EXT2: variants seen among roughly 807,000 people sequenced by gnomAD.
EXT2 encodes exostosin-2.
In EXT2, 53 loss-of-function variants were observed where a neutral mutation model predicts 81.6. The ratio of observed to expected loss-of-function variants is 0.65; its 90% CI spans 0.52 to 0.82. The LOEUF (loss-of-function observed/expected upper bound fraction) is 0.82, where lower values mean the gene tolerates loss of function less well. Ranked by LOEUF, EXT2 falls within the 40% of genes least tolerant of loss-of-function variation. The probability of loss-of-function intolerance (pLI) is 0.00; values close to 1 mark genes in which losing one functional copy is unlikely to be tolerated. For synonymous variants in EXT2, 320 were observed against 340.0 expected, an observed-to-expected ratio of 0.94 and a Z score of 0.65; for missense variants, 774 against 910.2, an observed-to-expected ratio of 0.85 and a Z score of 1.93.
chr11:44,234,909 TG>T (rs1345701337), intron 12 of EXT2, among the ~76,000 whole-genome samples: 1 of 152,248 alleles, frequency 6.6e-6, no homozygotes, highest in East Asian at 1.9e-4. Flanking sequence ...ATTAGAATTT[TG>T]TGTGTTAAAA....
chr11:44,133,277 G>A (rs896919149), intron 7 of EXT2, among the ~76,000 whole-genome samples: 1 of 152,166 alleles, frequency 6.6e-6, no homozygotes, highest in Non-Finnish European at 1.5e-5. Flanking sequence ...CTTGGCAGGA[G>A]TAATTAAAAA....
intron 8 of EXT2, among the ~76,000 whole-genome samples, chr11:44,196,039 A>G (rs1002060035): frequency 2.4e-4 from 37 of 152,200 alleles, no homozygotes; most frequent in African/African-American, 4.3e-4. Context: ...CATTTAAATA[A>G]TCTTAATTAT....
intron 4 of EXT2, among the ~76,000 whole-genome samples, chr11:44,123,931 C>A (rs1457785394): frequency 2.0e-5 from 3 of 150,864 alleles, no homozygotes; most frequent in Admixed American, 1.3e-4. Flanking sequence ...TCTTTCTTCC[C>A]TCTGTCTTGT....
intron 10 of EXT2, among the ~76,000 whole-genome samples, chr11:44,222,374 T>C (rs1955791301): frequency 6.6e-6 from 1 of 152,208 alleles, no homozygotes; most frequent in Non-Finnish European, 1.5e-5. Flanking sequence ...TGTTTACCAC[T>C]GTATGCCTAA....
At position 44,197,836 on chromosome 11, in the gene EXT2, G is replaced by A. The variant is rs1436052874; in HGVS notation, c.1313G>A (p.Gly438Asp). 2 of 1,613,846 alleles carry A rather than the reference G, an allele frequency of 1.2e-6. No homozygotes were observed. Among genetic ancestry groups the A allele is most frequent in the South Asian group, 1.1e-5 (1 of 91,078 alleles). Residue 438 changes from glycine (G) to aspartate (D), a missense_variant, in exon 9 of 14, where the codon GGC (glycine) becomes GAC (aspartate). Transcript: ENST00000533608. The stretch of plus-strand genomic sequence containing the variant: ...TAATCTGTCCTCTTGTAGAAGTGGG[G>A]CAGCGTGAGCAATCCACTCTTCCTC... ...EWNDPPAVKW[G>D]SVSNPLFLPL...
intron 4 of EXT2, among the ~76,000 whole-genome samples, chr11:44,119,010 T>A (rs1954262897): frequency 6.6e-6 from 1 of 150,722 alleles, no homozygotes; most frequent in Non-Finnish European, 1.5e-5. Context: ...TTAGTTCAGT[T>A]CACTTCAAGT....
intron 3 of EXT2, among the ~76,000 whole-genome samples, chr11:44,112,394 T>C (rs2134979539): frequency 6.6e-6 from 1 of 152,330 alleles, no homozygotes; most frequent in South Asian, 2.1e-4. Context: ...GCTGCAGGTT[T>C]TCTTTTCAGT....
At chr11:44,102,286 A>T (rs1005516694) in intron 1 of EXT2, among the ~76,000 whole-genome samples, 21 of 152,168 alleles carry the variant, frequency 1.4e-4, no homozygotes, top group African/African-American at 5.1e-4. Context: ...CCAATAGTGG[A>T]TAGGTGTTGC....
chr11:44,145,649 G>A (rs570215710), intron 7 of EXT2, among the ~76,000 whole-genome samples: 1 of 152,250 alleles, frequency 6.6e-6, no homozygotes, highest in African/African-American at 2.4e-5. Context: ...TTATAAAGGA[G>A]GAAAATGAAC....
At chr11:44,170,810 T>TCACACACACA (rs58131996) in intron 7 of EXT2, among the ~76,000 whole-genome samples, 17 of 145,656 alleles carry the variant, frequency 1.2e-4, no homozygotes, top group Middle Eastern at 3.5e-3. Context: ...ACGTTCACAT[T>TCACACACACA]CACACACACA....
In EXT2 at chr11:44,244,146, C is replaced by T. The variant is rs1554942374; in HGVS notation, c.2019-3C>T. 6.2e-7 allele frequency: 1 copy of T among 1,613,966 alleles called. No individual in the cohort carries two copies. Among genetic ancestry groups the T allele is most frequent in the South Asian group, 1.1e-5 (1 of 91,082 alleles). On this transcript the variant is annotated splice_polypyrimidine_tract_variant and splice_region_variant and intron_variant, in intron 13 of 13. Coordinates refer to ENST00000533608, the MANE Select transcript of EXT2 (RefSeq NM_207122.2). ...CTCCCCACCTCCTCTCCAAATCCCA[C>T]AGGTCAGAGTGCATCAACAAGTTTG... is the stretch of plus-strand genomic sequence containing the variant.
At chr11:44,132,179 A>G (rs10838238) in intron 7 of EXT2, among the ~76,000 whole-genome samples, 33,539 of 152,192 alleles carry the variant, frequency 0.22, 3,971 homozygotes, top group Non-Finnish European at 0.27. Flanking sequence ...CACAAATTCT[A>G]TCCAGTTTCT....
chr11:44,147,422 T>C (rs191562692), intron 7 of EXT2, among the ~76,000 whole-genome samples: 1 of 152,236 alleles, frequency 6.6e-6, no homozygotes, highest in Admixed American at 6.5e-5. Flanking sequence ...AGTAAATAAA[T>C]TTCTTCTAAT....
At chr11:44,216,957 C>T (rs542991109) in intron 10 of EXT2, among the ~76,000 whole-genome samples, 75 of 148,982 alleles carry the variant, frequency 5.0e-4, no homozygotes, top group Non-Finnish European at 9.4e-4. Flanking sequence ...ATAGATGATG[C>T]CAATACACTA....
Position 44,220,279 on chromosome 11 carries a change from G to A in EXT2, c.1663-12074G>A, listed in dbSNP as rs375518029. Among the ~76,000 whole-genome samples the A allele has an allele frequency of 6.6e-6, 1 of 152,208 alleles. No homozygotes were observed. Among genetic ancestry groups the A allele is most frequent in the Non-Finnish European group, 1.5e-5 (1 of 68,044 alleles). ...AAACCATAATTTTTTTAGGCCTGTT[G>A]TGTACCCTGTTCTTTAAGTTGATGG... On this transcript the variant is annotated intron_variant, in intron 10 of 13. Coordinates refer to ENST00000533608, the MANE Select transcript of EXT2 (RefSeq NM_207122.2). The surrounding 1 kb of genome is among the most constrained non-coding windows in gnomAD (Gnocchi z 4.4).
chr11:44,112,640 GT>G (rs1474036581), intron 3 of EXT2, among the ~76,000 whole-genome samples: 1 of 152,176 alleles, frequency 6.6e-6, no homozygotes. Context: ...AATTGCAGTC[GT>G]GGCTCTTTTT....
At chr11:44,113,443 A>G (rs1464736848) in intron 3 of EXT2, among the ~76,000 whole-genome samples, 1 of 152,192 alleles carries the variant, frequency 6.6e-6, no homozygotes, top group Non-Finnish European at 1.5e-5. Context: ...ATGAAGTGTC[A>G]TTGTACTACT....
intron 10 of EXT2, among the ~76,000 whole-genome samples, chr11:44,218,057 C>T (rs913258876): frequency 2.0e-5 from 3 of 152,188 alleles, no homozygotes; most frequent in African/African-American, 7.2e-5. Context: ...GATGCTCTCC[C>T]TTTTACAACC....
intron 7 of EXT2, among the ~76,000 whole-genome samples, chr11:44,146,319 G>C (rs1954716761): frequency 1.3e-5 from 2 of 152,136 alleles, no homozygotes; most frequent in Admixed American, 1.3e-4. Context: ...GTGAATTTGG[G>C]GTAGACAATT....
Sources: allele counts gnomAD v4.1 joint callset (sites outside exome capture counted in the v4.1 genomes callset), GRCh38; gene constraint gnomAD v4.1.1; non-coding constraint Gnocchi (gnomAD v3.1); transcripts MANE v1.5; gene names NCBI Gene and HGNC (gene_info 2026-07-23, HGNC 2026-07-21).